Variants in YLPM1 observed in about 807,000 individuals in gnomAD.
YLPM1 encodes the protein YLP motif-containing protein 1.
A neutral mutation model predicts 230.0 loss-of-function variants in YLPM1; 99 were observed. The observed-to-expected ratio is 0.43, with a 90% confidence interval of 0.37 to 0.51. The LOEUF is 0.51. Ranked by LOEUF, YLPM1 falls within the 20% of genes least tolerant of loss-of-function variation. The pLI is 0.00. For missense variants in YLPM1, 2,592 were observed against 2,707.7 expected (o/e 0.96, Z 0.95); for synonymous variants, 984 against 942.5 (o/e 1.04, Z -0.81).
At chr14:74,772,549 G>A (rs1241182823) in intron 1 of YLPM1, among the ~76,000 whole-genome samples, 2 of 152,002 alleles carry the variant, frequency 1.3e-5, no homozygotes, top group Non-Finnish European at 2.9e-5. Context: ...AGTAGAGACA[G>A]GGTTTCACCA....
intron 1 of YLPM1, 41 bp downstream of exon 1, chr14:74,764,403 G>T (rs775995021): frequency 6.5e-7 from 1 of 1,535,400 alleles, no homozygotes. Flanking sequence ...TCACCTAGAG[G>T]GCCCTGAATG....
Position 74,836,150 on chromosome 14 carries a change from C to T in YLPM1, c.*412C>T, listed in dbSNP as rs1229361242. Reference sequence around the variant, plus strand: ...TTGTACTAGGATTAAAAACAATAAACTTTCATGATAAAGCCGATGAGATTC... The same window carrying T: ...TTGTACTAGGATTAAAAACAATAAATTTTCATGATAAAGCCGATGAGATTC... On this transcript the variant is annotated 3_prime_UTR_variant, in exon 21 of 21. Transcript: ENST00000325680. The T allele has an allele frequency of 1.0e-5, 2 of 193,360 alleles. No individual in the cohort carries two copies. Among genetic ancestry groups the T allele is most frequent in the East Asian group, 1.6e-4 (1 of 6,280 alleles). The allele number at this position is 193,360 out of a possible 1,614,324, so 12.0% of individuals were successfully genotyped here. A position where few individuals can be genotyped will look rare whatever the true frequency, so the allele number is the denominator to read the frequency against.
intron 4 of YLPM1, among the ~76,000 whole-genome samples, chr14:74,786,924 T>C (rs1395477147): frequency 6.6e-6 from 1 of 152,226 alleles, no homozygotes; most frequent in African/African-American, 2.4e-5. Flanking sequence ...ACCAGCAGTG[T>C]TTCAGTGTTT....
chr14:74,779,956 A>G (rs961352098), intron 2 of YLPM1, among the ~76,000 whole-genome samples: 1 of 152,002 alleles, frequency 6.6e-6, no homozygotes, highest in African/African-American at 2.4e-5. Context: ...GGTACCTGCC[A>G]CCATGCCTGG....
Position 74,764,316 on chromosome 14 carries a change from A to G in YLPM1, c.827A>G (p.Gln276Arg), listed in dbSNP as rs553776318. 14 of 1,613,584 alleles carry G rather than the reference A, an allele frequency of 8.7e-6. No individual in the cohort carries two copies. The Admixed American group carries it at 2.0e-4, about 23-fold the overall frequency. Residue 276 changes from glutamine to arginine, a missense_variant, in exon 1 of 21, where the codon CAG (glutamine) becomes CGG (arginine). By Grantham distance (43) the Gln-to-Arg change is conservative. Transcript: ENST00000325680. ...GGGGCCAAAAACAAGAGTACTGAACAGCAGCAAGCCGCCCCTGAGCCAGAT... is the reference window on the plus strand; with the variant it reads ...GGGGCCAAAAACAAGAGTACTGAACGGCAGCAAGCCGCCCCTGAGCCAGAT... ...ESGAKNKSTE[Q>R]QQAAPEPDPS...
chr14:74,780,511 T>C lies in YLPM1; in HGVS notation c.1217T>C (p.Met406Thr), dbSNP rs2140087053. 6.2e-7 allele frequency: 1 copy of C among 1,613,950 alleles called. No homozygotes were observed. The highest frequency in any genetic ancestry group is 8.5e-7 in the Non-Finnish European group (1 of 1,179,878). The change falls in exon 3 of 21, where the codon ATG becomes ACG. Residue 406 changes from methionine to threonine, a missense_variant. By Grantham distance (81) the Met-to-Thr change is moderately conservative. This residue lies in a region of YLPM1 where 1,862 missense variants were observed against 1,819.8 expected (regional missense o/e 1.02). Transcript: ENST00000325680. ...HRVGFQYQGI[M>T]QKHTQLQQIL... ...GTCGGTTTCCAGTATCAGGGAATAA[T>C]GCAGAAGCACACTCAGTTACAGCAG...
In YLPM1 at chr14:74,772,359, A is replaced by AT. The variant is rs750529331; in HGVS notation, c.874-6072dup. Among the ~76,000 whole-genome samples, 1,119 of 138,936 alleles carry AT rather than the reference A, an allele frequency of 8.1e-3. 11 individuals carry two copies. Among genetic ancestry groups the AT allele is most frequent in the South Asian group, 0.038 (168 of 4,376 alleles). 91.1% of individuals were successfully genotyped at this position (138,936 alleles called of 152,430 possible). On this transcript the variant is annotated intron_variant, in intron 1 of 20. Transcript: ENST00000325680. ...TGTGACAAATAGTTCTATATTCTTA[A>AT]TTTTTTTTTTTTTTTTGAGATGGAG...
intron 18 of YLPM1, chr14:74,827,857 C>T (rs1372687235): frequency 1.0e-6 from 1 of 985,118 alleles, no homozygotes; most frequent in African/African-American, 1.7e-5. Context: ...ATAATACGGC[C>T]CGTCATATAC....
At chr14:74,765,734 T>A (rs966285643) in intron 1 of YLPM1, among the ~76,000 whole-genome samples, 1 of 152,232 alleles carries the variant, frequency 6.6e-6, no homozygotes, top group Admixed American at 6.5e-5. Context: ...TTTGGCTTTT[T>A]TTGGGAGGAG....
chr14:74,763,629 C>T lies in YLPM1; in HGVS notation c.140C>T (p.Ser47Phe), dbSNP rs995523234. Residue 47 changes from serine (S) to phenylalanine (F), a missense_variant, in exon 1 of 21, where the codon TCC (serine) becomes TTC (phenylalanine). Physicochemically the swap from Ser to Phe is radical, Grantham distance 155. Coordinates refer to ENST00000325680, the MANE Select transcript of YLPM1 (RefSeq NM_019589.3). ...TCGACGACTCCCGCGGCCCCCTCCT[C>T]CTCGGGCTTCATGAGCTTCCGCGAA... Reference protein sequence around the residue: ...SSSTTPAAPSSSGFMSFREQH... With the variant: ...SSSTTPAAPSFSGFMSFREQH... The T allele has an allele frequency of 7.5e-6, 12 of 1,593,218 alleles. No individual in the cohort carries two copies. The African/African-American group carries it at 9.6e-5, about 13-fold the overall frequency.
intron 9 of YLPM1, among the ~76,000 whole-genome samples, chr14:74,811,217 C>T (rs148935353): frequency 6.6e-6 from 1 of 152,106 alleles, no homozygotes; most frequent in African/African-American, 2.4e-5. Context: ...CGTAGTGGCT[C>T]ACGCCTGTAA....
At chr14:74,810,930 C>G (rs1282035149) in intron 9 of YLPM1, among the ~76,000 whole-genome samples, 1 of 152,064 alleles carries the variant, frequency 6.6e-6, no homozygotes, top group East Asian at 1.9e-4. Context: ...CTCAAGTGAT[C>G]CTCCCACCTC....
At chr14:74,813,027 A>G (rs2091449153) in intron 11 of YLPM1, among the ~76,000 whole-genome samples, 1 of 152,216 alleles carries the variant, frequency 6.6e-6, no homozygotes, top group East Asian at 1.9e-4. Context: ...TGAGACCTCA[A>G]TTAATTGCGC....
chr14:74,835,147 T>G, intron 19 of YLPM1, 118 bp from the exon 20 acceptor site: 1 of 1,330,798 alleles, frequency 7.5e-7, no homozygotes, highest in Non-Finnish European at 1.0e-6. Flanking sequence ...TAGTTTTTAA[T>G]TTTTTAAACT....
intron 18 of YLPM1, among the ~76,000 whole-genome samples, chr14:74,828,362 A>G (rs1395180895): frequency 1.8e-4 from 27 of 152,106 alleles, no homozygotes; most frequent in Admixed American, 1.8e-3. Flanking sequence ...AATGTATATA[A>G]CTCATAATAT....
chr14:74,768,350 A>G (rs997200518), intron 1 of YLPM1, among the ~76,000 whole-genome samples: 2 of 152,054 alleles, frequency 1.3e-5, no homozygotes, highest in Admixed American at 6.6e-5. Context: ...CCTGGGTTCA[A>G]ACAATTCTGC....
chr14:74,827,207 G>A (rs2091570990), intron 18 of YLPM1, among the ~76,000 whole-genome samples: 1 of 152,152 alleles, frequency 6.6e-6, no homozygotes. Flanking sequence ...TCTGTGACCT[G>A]CCATATTGGA....
chr14:74,821,939 A>T (rs910473369), intron 17 of YLPM1: 3 of 152,226 alleles, frequency 2.0e-5, no homozygotes, highest in African/African-American at 7.2e-5. Flanking sequence ...GAAAATGTAC[A>T]AAATGAGAAC....
At position 74,828,145 on chromosome 14, in the gene YLPM1, A is replaced by G. The variant is rs937245191; in HGVS notation, c.6164-1068A>G. On this transcript the variant is annotated intron_variant, in intron 18 of 20. Transcript: ENST00000325680. Reference sequence around the variant, plus strand: ...GAAACGTAAACTCACCCTTTCTGCCACTGCTTTCATTGCACTTTTCATACC... The same window carrying G: ...GAAACGTAAACTCACCCTTTCTGCCGCTGCTTTCATTGCACTTTTCATACC... 1.4e-5 allele frequency: 5 copies of G among 364,386 alleles called. No individual in the cohort carries two copies. The South Asian group carries it at 5.6e-4, about 41-fold the overall frequency. 22.6% of individuals were successfully genotyped at this position (364,386 alleles called of 1,614,324 possible). A position where few individuals can be genotyped will look rare whatever the true frequency, so the allele number is the denominator to read the frequency against.
Sources: allele counts gnomAD v4.1 joint callset (sites outside exome capture counted in the v4.1 genomes callset), GRCh38; gene constraint gnomAD v4.1.1; regional missense constraint gnomAD v4.1.1; transcripts MANE v1.5; gene names NCBI Gene and HGNC (gene_info 2026-07-23, HGNC 2026-07-21).